Variants in CSTF3 observed in about 807,000 individuals in gnomAD.
CSTF3 encodes the protein cleavage stimulation factor subunit 3.
CSTF3 carries 29 observed loss-of-function variants against 105.8 expected under a neutral mutation model. That is an observed-to-expected ratio of 0.27 (90% CI 0.20 to 0.37). The LOEUF is 0.37. Among genes scored for constraint, CSTF3 ranks in the 10% least tolerant of loss-of-function variants. The pLI, the probability that CSTF3 is intolerant of heterozygous loss-of-function variation, is 1.00. For missense variants in CSTF3, 357 were observed against 879.3 expected, an observed-to-expected ratio of 0.41 and a Z score of 7.51; for synonymous variants, 252 against 281.9, an observed-to-expected ratio of 0.89 and a Z score of 1.06.
intron 1 of CSTF3, among the ~76,000 whole-genome samples, chr11:33,153,535 G>A (rs1163626850): frequency 2.0e-5 from 3 of 151,978 alleles, no homozygotes; most frequent in Non-Finnish European, 4.4e-5. Context: ...CACTTTGGGA[G>A]GCTGAGGTGG....
At chr11:33,109,698 ATTTACT>A (rs1855361045) in intron 3 of CSTF3, among the ~76,000 whole-genome samples, 1 of 152,136 alleles carries the variant, frequency 6.6e-6, no homozygotes, top group East Asian at 1.9e-4. Flanking sequence ...AGTAATTATC[ATTTACT>A]TTTATTACCA....
chr11:33,096,590 CGAAATAGTGAT>C (rs1356467117), intron 14 of CSTF3, among the ~76,000 whole-genome samples, 182 bp from the exon 15 acceptor site: 1 of 151,942 alleles, frequency 6.6e-6, no homozygotes, highest in Non-Finnish European at 1.5e-5. Context: ...TTAGAAATCA[CGAAATAGTGAT>C]TAATATAGTG....
chr11:33,085,875 A>G lies in CSTF3; in HGVS notation c.1890+20T>C, dbSNP rs753189022. The G allele has an allele frequency of 1.9e-5, 30 of 1,583,296 alleles. No individual in the cohort carries two copies. The East Asian group carries it at 4.3e-4, about 23-fold the overall frequency. On this transcript the variant is annotated intron_variant, in intron 19 of 20. Coordinates refer to ENST00000323959, the MANE Select transcript of CSTF3 (RefSeq NM_001326.3). Reference sequence around the variant, plus strand: ...ATGACCCACAGAGCCAGTATCTACCATGAAAATAAGTGAACAAACCTGGAA... The same window carrying G: ...ATGACCCACAGAGCCAGTATCTACCGTGAAAATAAGTGAACAAACCTGGAA...
At chr11:33,125,797 T>TGGCAGTTGCTTTCAGGG (rs1341574672) in intron 3 of CSTF3, among the ~76,000 whole-genome samples, 3 of 152,214 alleles carry the variant, frequency 2.0e-5, no homozygotes, top group African/African-American at 7.2e-5. Flanking sequence ...CTTCCCAGTT[T>TGGCAGTTGCTTTCAGGG]GGCAGTTGCT....
chr11:33,088,863 C>G (rs1855136307), intron 17 of CSTF3, among the ~76,000 whole-genome samples: 1 of 152,184 alleles, frequency 6.6e-6, no homozygotes, highest in Admixed American at 6.5e-5. Flanking sequence ...AAGTGATCGC[C>G]TGCCTCAGCC....
In CSTF3 at chr11:33,099,737, A is replaced by C; in HGVS notation, c.827-20T>G. On this transcript the variant is annotated intron_variant, in intron 10 of 20. Coordinates refer to ENST00000323959, the MANE Select transcript of CSTF3 (RefSeq NM_001326.3). This position sits in a 1 kb window ranked among gnomAD's most constrained non-coding sequence, Gnocchi z 4.1. ...ACATAACTAAGGGAAGAAATTAACA[A>C]ACAATATTCAATTAAAATAATTATT... The C allele has an allele frequency of 7.1e-7, 1 of 1,400,024 alleles. No homozygotes were observed. 86.7% of individuals were successfully genotyped at this position (1,400,024 alleles called of 1,614,324 possible).
intron 3 of CSTF3, among the ~76,000 whole-genome samples, chr11:33,130,309 C>T (rs1855585578): frequency 6.6e-6 from 1 of 151,994 alleles, no homozygotes; most frequent in South Asian, 2.1e-4. Flanking sequence ...CCTGTCTCTA[C>T]TAAAGATACA....
chr11:33,145,823 C>CA (rs951101877), intron 1 of CSTF3, among the ~76,000 whole-genome samples: 5 of 150,788 alleles, frequency 3.3e-5, no homozygotes, highest in African/African-American at 7.3e-5. Flanking sequence ...CAAAAACAAA[C>CA]AAAAAAAAGA....
chr11:33,098,655 T>A, intron 13 of CSTF3, 35 bp downstream of exon 13: 1 of 1,310,208 alleles, frequency 7.6e-7, no homozygotes, highest in Non-Finnish European at 1.1e-6. Flanking sequence ...GATAAGACTG[T>A]AAAGGTGGAA....
intron 1 of CSTF3, among the ~76,000 whole-genome samples, chr11:33,148,934 C>T (rs188895468): frequency 2.0e-5 from 3 of 150,586 alleles, no homozygotes; most frequent in Non-Finnish European, 4.4e-5. Context: ...TCCAGTGATC[C>T]TCCTGTCTCA....
At chr11:33,123,173 C>T (rs1293020964) in intron 3 of CSTF3, among the ~76,000 whole-genome samples, 1 of 150,344 alleles carries the variant, frequency 6.7e-6, no homozygotes, top group Non-Finnish European at 1.5e-5. Context: ...CCCTAATGTG[C>T]TCTTGTAAAG....
At chr11:33,094,731 TTTATA>T (rs1855201125) in intron 15 of CSTF3, among the ~76,000 whole-genome samples, 1 of 152,140 alleles carries the variant, frequency 6.6e-6, no homozygotes, top group Non-Finnish European at 1.5e-5. Context: ...GTTTTACTCT[TTTATA>T]TTATTTAGGT....
intron 1 of CSTF3, among the ~76,000 whole-genome samples, chr11:33,159,033 C>T (rs894016308): frequency 7.9e-5 from 12 of 152,000 alleles, no homozygotes; most frequent in Non-Finnish European, 1.5e-4. Context: ...ATTTAAAGAA[C>T]TAGATTTTAG....
chr11:33,096,002 A>C (rs1855219654), intron 15 of CSTF3, among the ~76,000 whole-genome samples: 3 of 151,984 alleles, frequency 2.0e-5, no homozygotes, highest in Admixed American at 1.3e-4. Context: ...ACAGGAGATG[A>C]TCTGCCCAGA....
chr11:33,149,304 T>C (rs960649246), intron 1 of CSTF3, among the ~76,000 whole-genome samples: 4 of 152,206 alleles, frequency 2.6e-5, no homozygotes, highest in African/African-American at 7.2e-5. Flanking sequence ...AATCTATACA[T>C]GTAATTCTCA....
At chr11:33,103,643 G>A (rs555012487) in intron 8 of CSTF3, among the ~76,000 whole-genome samples, 141 of 152,206 alleles carry the variant, frequency 9.3e-4, no homozygotes, top group African/African-American at 3.2e-3. Flanking sequence ...GGTGGTGTGC[G>A]CCTGTAATCC....
intron 1 of CSTF3, among the ~76,000 whole-genome samples, chr11:33,145,993 T>C (rs771698758): frequency 6.6e-4 from 101 of 152,182 alleles, no homozygotes; most frequent in Non-Finnish European, 1.0e-3. Context: ...TCCCAGCACT[T>C]TGGGAGGCTG....
At chr11:33,136,379 TAA>T (rs1311519597) in intron 3 of CSTF3, among the ~76,000 whole-genome samples, 2 of 152,038 alleles carry the variant, frequency 1.3e-5, no homozygotes, top group Non-Finnish European at 2.9e-5. Context: ...TTGAAAGTAA[TAA>T]GTTACAACTA....
At chr11:33,130,193 C>T (rs924373712) in intron 3 of CSTF3, among the ~76,000 whole-genome samples, 21 of 152,280 alleles carry the variant, frequency 1.4e-4, no homozygotes, top group African/African-American at 4.8e-4. Flanking sequence ...TTAGATCAGG[C>T]TGGGCATGGT....
Sources: allele counts gnomAD v4.1 joint callset (sites outside exome capture counted in the v4.1 genomes callset), GRCh38; gene constraint gnomAD v4.1.1; non-coding constraint Gnocchi (gnomAD v3.1); transcripts MANE v1.5; gene names NCBI Gene and HGNC (gene_info 2026-07-23, HGNC 2026-07-21).